Variants in KCNIP4 observed in about 807,000 individuals in gnomAD.
The protein encoded by KCNIP4 is potassium voltage-gated channel interacting protein 4, also known as Kv channel-interacting protein 4.
In KCNIP4, 12 loss-of-function variants were observed where a neutral mutation model predicts 34.0. That is an observed-to-expected ratio of 0.35 (90% CI 0.23 to 0.57). The LOEUF is 0.57. KCNIP4 is among the 20% of genes least tolerant of loss of function. The pLI, the probability that KCNIP4 is intolerant of heterozygous loss-of-function variation, is 0.83. For synonymous variants in KCNIP4, 124 were observed against 102.2 expected (o/e 1.21, Z -1.29); for missense variants, 238 against 311.7 (o/e 0.76, Z 1.78).
intron 1 of KCNIP4, among the ~76,000 whole-genome samples, chr4:21,319,674 G>A (rs943029166): frequency 2.6e-5 from 4 of 152,142 alleles, no homozygotes; most frequent in African/African-American, 9.7e-5. Flanking sequence ...AGACCATCCA[G>A]TATATTCTCC....
chr4:21,940,387 T>A (rs1730136761), intron 1 of KCNIP4, among the ~76,000 whole-genome samples: 1 of 152,288 alleles, frequency 6.6e-6, no homozygotes, highest in East Asian at 1.9e-4. Flanking sequence ...TGGAAGTAAT[T>A]TTGCTTTTAA....
intron 1 of KCNIP4, among the ~76,000 whole-genome samples, chr4:21,361,779 T>C (rs1019329541): frequency 6.6e-6 from 1 of 151,416 alleles, no homozygotes; most frequent in Non-Finnish European, 1.5e-5. Context: ...TCCTAGAAAA[T>C]TTATAAAGTA....
intron 1 of KCNIP4, among the ~76,000 whole-genome samples, chr4:21,386,309 T>G: frequency 6.6e-6 from 1 of 152,170 alleles, no homozygotes; most frequent in East Asian, 1.9e-4. Context: ...AGAGATGATC[T>G]TTGTTTTACT....
chr4:20,744,348 T>C (rs1227461673), intron 5 of KCNIP4, among the ~76,000 whole-genome samples: 2 of 152,200 alleles, frequency 1.3e-5, no homozygotes, highest in African/African-American at 4.8e-5. Flanking sequence ...AGCAAAGACT[T>C]GGTACCAACC....
At chr4:21,777,945 C>T (rs1719290357) in intron 1 of KCNIP4, among the ~76,000 whole-genome samples, 1 of 152,024 alleles carries the variant, frequency 6.6e-6, no homozygotes, top group African/African-American at 2.4e-5. Flanking sequence ...TGACTATAAT[C>T]ATATAATCTA....
intron 1 of KCNIP4, among the ~76,000 whole-genome samples, chr4:21,579,827 T>G (rs1013937097): frequency 1.3e-5 from 2 of 152,162 alleles, no homozygotes; most frequent in East Asian, 3.9e-4. Flanking sequence ...TTATCCTGAC[T>G]CATGTAGCAG....
At chr4:21,229,612 T>C (rs1462437809) in intron 1 of KCNIP4, among the ~76,000 whole-genome samples, 1 of 152,184 alleles carries the variant, frequency 6.6e-6, no homozygotes. Flanking sequence ...ATTTGGCAAG[T>C]GCAAAGAGTG....
chr4:20,744,850 T>A (rs1370197189), intron 5 of KCNIP4, among the ~76,000 whole-genome samples: 7 of 152,190 alleles, frequency 4.6e-5, no homozygotes, highest in Non-Finnish European at 1.0e-4. Context: ...CTAGCCCTAG[T>A]AGGTCCCAAA....
chr4:21,489,431 A>T (rs1732189835), intron 1 of KCNIP4, among the ~76,000 whole-genome samples: 1 of 151,862 alleles, frequency 6.6e-6, no homozygotes, highest in Admixed American at 6.6e-5. Flanking sequence ...AAAAACCTTT[A>T]TTGCTGCAAT....
chr4:21,697,714 G>A (rs945035140), intron 1 of KCNIP4: 6 of 1,205,358 alleles, frequency 5.0e-6, no homozygotes, highest in East Asian at 8.5e-5. Context: ...ACAGGCTGCC[G>A]GTTCACACTT....
chr4:21,640,944 C>G (rs1286732670), intron 1 of KCNIP4, among the ~76,000 whole-genome samples: 1 of 152,154 alleles, frequency 6.6e-6, no homozygotes, highest in Non-Finnish European at 1.5e-5. Context: ...AGACCAAAGC[C>G]CTGCCACTCT....
chr4:21,240,896 TA>T (rs1434379379), intron 1 of KCNIP4, among the ~76,000 whole-genome samples: 2 of 152,190 alleles, frequency 1.3e-5, no homozygotes, highest in African/African-American at 4.8e-5. Context: ...AAGTCTACTG[TA>T]AAAAATTAAT....
Position 21,048,099 on chromosome 4 carries a change from C to T in KCNIP4, c.62-165390G>A, listed in dbSNP as rs1465703055. ...TCTCCACAATTATTTTGTATCTTTA[C>T]CCTGAGTTATTTTTCTTCATAATAC... On this transcript the variant is annotated intron_variant, in intron 1 of 8. Transcript: ENST00000382152. 2.0e-5 allele frequency among the ~76,000 whole-genome samples: 3 copies of T among 152,148 alleles called. No individual in the cohort carries two copies. In the East Asian group the frequency reaches 5.8e-4, roughly 29 times the overall value.
chr4:21,012,990 T>C (rs886906389), intron 1 of KCNIP4, among the ~76,000 whole-genome samples: 2 of 152,176 alleles, frequency 1.3e-5, no homozygotes, highest in Non-Finnish European at 2.9e-5. Flanking sequence ...GGGTGGAATA[T>C]TATGGCCAAA....
At chr4:20,847,108 A>T (rs902150946) in intron 3 of KCNIP4, among the ~76,000 whole-genome samples, 2 of 152,216 alleles carry the variant, frequency 1.3e-5, no homozygotes, top group Non-Finnish European at 2.9e-5. Context: ...TTGATGGAAC[A>T]TACAACTGAG....
At chr4:21,291,305 T>TATTTTCTACATATTTTCAAA (rs1763443174) in intron 1 of KCNIP4, among the ~76,000 whole-genome samples, 2 of 151,100 alleles carry the variant, frequency 1.3e-5, no homozygotes, top group Admixed American at 1.3e-4. Context: ...TGTGTATGTG[T>TATTTTCTACATATTTTCAAA]GTGGAGTGTG....
chr4:21,502,723 T>G (rs534003299), intron 1 of KCNIP4, among the ~76,000 whole-genome samples: 1 of 152,272 alleles, frequency 6.6e-6, no homozygotes, highest in South Asian at 2.1e-4. Flanking sequence ...AATAAGGGAA[T>G]CTTATTAAAA....
At chr4:21,691,530 A>T (rs1711630906) in intron 1 of KCNIP4, among the ~76,000 whole-genome samples, 1 of 152,106 alleles carries the variant, frequency 6.6e-6, no homozygotes, top group African/African-American at 2.4e-5. Flanking sequence ...AACAGAACTG[A>T]TACAGATCAC....
intron 1 of KCNIP4, among the ~76,000 whole-genome samples, chr4:21,645,748 T>C (rs908304365): frequency 2.6e-5 from 4 of 152,110 alleles, no homozygotes; most frequent in Non-Finnish European, 4.4e-5. Context: ...TCAGATGGGC[T>C]GTATGAGTGG....
Sources: gnomAD v4.1 joint callset for allele counts (sites outside exome capture counted in the v4.1 genomes callset) on GRCh38, gnomAD v4.1.1 for gene constraint, MANE v1.5 for transcripts, NCBI Gene and HGNC (gene_info 2026-07-23, HGNC 2026-07-21) for gene names.